ZFP64: variants seen among roughly 807,000 people sequenced by gnomAD.
ZFP64 encodes the protein ZFP64 zinc finger protein.
A neutral mutation model predicts 51.6 loss-of-function variants in ZFP64; 14 were observed. The observed-to-expected ratio is 0.27, with a 90% CI of 0.18 to 0.42. ZFP64 has a LOEUF of 0.42. Among genes scored for constraint, ZFP64 ranks in the 10% least tolerant of loss-of-function variants. The pLI is 1.00. For missense variants in ZFP64, 754 were observed against 906.8 expected (o/e 0.83, Z 2.16); for synonymous variants, 375 against 361.4 (o/e 1.04, Z -0.43).
At chr20:52,120,397 C>T (rs148112087) in intron 5 of ZFP64, among the ~76,000 whole-genome samples, 18 of 152,236 alleles carry the variant, frequency 1.2e-4, no homozygotes, top group Non-Finnish European at 1.8e-4. Flanking sequence ...TGATGATCCT[C>T]GTCGTGGTAA....
chr20:52,085,498 C>G lies in ZFP64; in HGVS notation c.1229-232G>C, dbSNP rs41274700. 0.042 allele frequency among the ~76,000 whole-genome samples: 6,396 copies of G among 152,242 alleles called. 140 individuals carry two copies. The highest frequency in any genetic ancestry group is 0.078 in the South Asian group (374 of 4,818). On this transcript the variant is annotated intron_variant, in intron 8 of 8. Transcript: ENST00000361387. The surrounding 1 kb of genome is among the most constrained non-coding windows in gnomAD (Gnocchi z 4.3). Reference sequence around the variant, plus strand: ...TGGGACAACTGAGGCTCAGAGAGGTCAAGTTACTTGGCTCAGGTCAAACAG... The same window carrying G: ...TGGGACAACTGAGGCTCAGAGAGGTGAAGTTACTTGGCTCAGGTCAAACAG...
At position 52,151,636 on chromosome 20, in the gene ZFP64, T is replaced by C. The variant is rs983012508; in HGVS notation, c.*510A>G. On this transcript the variant is annotated 3_prime_UTR_variant, in exon 6 of 6. Coordinates refer to ENST00000216923, the MANE Select transcript of ZFP64 (RefSeq NM_018197.3). Reference sequence around the variant, plus strand: ...AACATTTAAGATTCTACAACAGTTATAATGCGACGATTCAGAGGTGGTCTC... The same window carrying C: ...AACATTTAAGATTCTACAACAGTTACAATGCGACGATTCAGAGGTGGTCTC... 1.2e-5 allele frequency: 12 copies of C among 989,370 alleles called. No individual in the cohort carries two copies. Among genetic ancestry groups the C allele is most frequent in the Non-Finnish European group, 1.4e-5 (12 of 832,166 alleles). 61.3% of individuals were successfully genotyped at this position (989,370 alleles called of 1,614,324 possible). A position where few individuals can be genotyped will look rare whatever the true frequency, so the allele number is the denominator to read the frequency against.
chr20:52,107,711 T>C (rs1189322331), intron 5 of ZFP64, among the ~76,000 whole-genome samples: 1 of 152,270 alleles, frequency 6.6e-6, no homozygotes, highest in Non-Finnish European at 1.5e-5. Context: ...TGATTTCGAC[T>C]GCTCTGTAAA....
chr20:52,140,562 A>G (rs919012930), intron 5 of ZFP64, among the ~76,000 whole-genome samples: 43 of 152,192 alleles, frequency 2.8e-4, no homozygotes, highest in African/African-American at 9.9e-4. Context: ...CTTCAATTCT[A>G]TGGAGACTGA....
downstream of ZFP64, among the ~76,000 whole-genome samples, chr20:52,149,290 A>AAG (rs1555805272): frequency 9.7e-4 from 145 of 149,010 alleles, 3 homozygotes; most frequent in Middle Eastern, 3.5e-3. Flanking sequence ...AAAAAAAAAA[A>AAG]AGCTGAATAT....
At chr20:52,129,328 T>C (rs1187064668) in intron 5 of ZFP64, among the ~76,000 whole-genome samples, 3 of 151,694 alleles carry the variant, frequency 2.0e-5, no homozygotes, top group African/African-American at 4.8e-5. Context: ...TGGAATTTTT[T>C]TGTATTTTTA....
chr20:52,104,303 C>T (rs1247360327), intron 5 of ZFP64, among the ~76,000 whole-genome samples: 3 of 152,186 alleles, frequency 2.0e-5, no homozygotes, highest in Non-Finnish European at 4.4e-5. Context: ...AAGGTCCCCT[C>T]CCGCAGGCTC....
At chr20:52,164,624 C>A (rs767984865) in intron 4 of ZFP64, 71 bp downstream of exon 4, 264 of 1,304,546 alleles carry the variant, frequency 2.0e-4, no homozygotes, top group Non-Finnish European at 2.8e-4. Flanking sequence ...ATTCGTCTGA[C>A]CTATGTGGAT....
chr20:52,125,888 G>GTT (rs973864680), intron 5 of ZFP64, among the ~76,000 whole-genome samples: 1 of 146,326 alleles, frequency 6.8e-6, no homozygotes, highest in Non-Finnish European at 1.5e-5. Context: ...ATGGTTTTTT[G>GTT]TTTTTTTTTT....
At position 52,152,318 on chromosome 20, in the gene ZFP64, G is replaced by A; in HGVS notation, c.1874C>T (p.Thr625Ile). 6.2e-7 allele frequency: 1 copy of A among 1,614,174 alleles called. No individual in the cohort carries two copies. Among genetic ancestry groups the A allele is most frequent in the Non-Finnish European group, 8.5e-7 (1 of 1,180,040 alleles). ...ATCGCTCACCACTGTCACTTCTGCT[G>A]TCCCCTCCTGAATCAAGGCGTTTAG... is the stretch of plus-strand genomic sequence containing the variant. ...EGLNALIQEG[T>I]AEVTVVSDGG... Residue 625 changes from threonine (T) to isoleucine (I), a missense_variant, in exon 6 of 6, where the codon ACA (threonine) becomes ATA (isoleucine). Around this residue, in one of 3 missense-constraint regions of ZFP64, gnomAD observed 428 missense variants for 472.4 expected, o/e 0.91. Coordinates refer to ENST00000216923, the MANE Select transcript of ZFP64 (RefSeq NM_018197.3).
rs3787177 is a variant in ZFP64, at chr20:52,181,639, G to C, written c.286+5193C>G. ...GATATCTGCAGAAATCCACCATTTG[G>C]GGGGTTGGACTGTGGTCTTGAGCAG... On this transcript the variant is annotated intron_variant, in intron 2 of 5. Transcript: ENST00000216923. Among the ~76,000 whole-genome samples the C allele has an allele frequency of 8.4e-3, 1,276 of 152,284 alleles. 45 individuals carry two copies. The East Asian group carries it at 0.11, about 13-fold the overall frequency.
chr20:52,189,720 C>T (rs1003511895), intron 1 of ZFP64, among the ~76,000 whole-genome samples: 8 of 152,006 alleles, frequency 5.3e-5, no homozygotes, highest in African/African-American at 9.7e-5. Context: ...GTGATCCGCC[C>T]GCCTCAGCCT....
intron 6 of ZFP64, among the ~76,000 whole-genome samples, chr20:52,098,148 G>A (rs1311817002): frequency 2.0e-5 from 3 of 147,008 alleles, no homozygotes; most frequent in Non-Finnish European, 4.5e-5. Context: ...ACTCCAGCCT[G>A]GGCAACAAGA....
chr20:52,103,094 G>A (rs755391044), intron 5 of ZFP64, among the ~76,000 whole-genome samples: 8 of 152,142 alleles, frequency 5.3e-5, no homozygotes, highest in Non-Finnish European at 1.2e-4. Context: ...ACTCTCCTGG[G>A]AAAGGTGCAG....
At chr20:52,132,737 G>A (rs945870190) in intron 5 of ZFP64, among the ~76,000 whole-genome samples, 8 of 151,964 alleles carry the variant, frequency 5.3e-5, no homozygotes, top group African/African-American at 9.7e-5. Context: ...GTAAAGAAAC[G>A]CCTGGGACTC....
Position 52,165,998 on chromosome 20 carries a change from T to C in ZFP64, c.314A>G (p.His105Arg), listed in dbSNP as rs1211626732. The change falls in exon 3 of 6, where the codon CAT becomes CGT. Residue 105 changes from histidine to arginine, a missense_variant. Transcript: ENST00000216923. ...CGTGGGCAGGTAAGTTTGATAGCCA[T>C]GTTCAAAAACAAATTCTGGAGCTGA... ...TVSAPEFVFE[H>R]GYQTYLPTES... 6.2e-7 allele frequency: 1 copy of C among 1,607,952 alleles called. No homozygotes were observed. Among genetic ancestry groups the C allele is most frequent in the South Asian group, 1.1e-5 (1 of 89,636 alleles).
At chr20:52,166,665 G>T (rs58878184) in intron 2 of ZFP64, among the ~76,000 whole-genome samples, 1 of 151,734 alleles carries the variant, frequency 6.6e-6, no homozygotes, top group Non-Finnish European at 1.5e-5. Flanking sequence ...CATGCTGCGC[G>T]GGCTGGTCTC....
chr20:52,148,691 T>C (rs1418060208), downstream of ZFP64, among the ~76,000 whole-genome samples: 1 of 142,472 alleles, frequency 7.0e-6, no homozygotes, highest in East Asian at 2.1e-4. Flanking sequence ...ACAGCCAGAC[T>C]CTGTCTCAAA....
At chr20:52,145,411 G>A (rs1027227942) in intron 5 of ZFP64, among the ~76,000 whole-genome samples, 3 of 152,144 alleles carry the variant, frequency 2.0e-5, no homozygotes, top group African/African-American at 7.2e-5. Flanking sequence ...CCAGCACTTT[G>A]GGAGGCTTAG....
Sources: allele counts gnomAD v4.1 joint callset (sites outside exome capture counted in the v4.1 genomes callset), GRCh38; gene constraint gnomAD v4.1.1; regional missense constraint gnomAD v4.1.1; non-coding constraint Gnocchi (gnomAD v3.1); transcripts MANE v1.5; gene names NCBI Gene and HGNC (gene_info 2026-07-23, HGNC 2026-07-21).